PPIP5K2: variants seen among roughly 807,000 people sequenced by gnomAD.
The protein encoded by PPIP5K2 is diphosphoinositol pentakisphosphate kinase 2.
A neutral mutation model predicts 154.6 loss-of-function variants in PPIP5K2; 105 were observed. The observed-to-expected ratio is 0.68, with a 90% CI of 0.58 to 0.80. The LOEUF (loss-of-function observed/expected upper bound fraction) is 0.80, where lower values mean the gene tolerates loss of function less well. PPIP5K2 is among the 30% of genes least tolerant of loss of function. The probability of loss-of-function intolerance (pLI) is 0.00; values close to 1 mark genes in which losing one functional copy is unlikely to be tolerated. For synonymous variants in PPIP5K2, 480 were observed against 490.3 expected (o/e 0.98, Z 0.28); for missense variants, 992 against 1,504.6 (o/e 0.66, Z 5.64).
Position 103,152,640 on chromosome 5 carries a change from T to C in PPIP5K2, c.1029-8T>C, listed in dbSNP as rs781918373. On this transcript the variant is annotated splice_region_variant and splice_polypyrimidine_tract_variant and intron_variant, in intron 9 of 30. Transcript: ENST00000358359. ...CTAATTTTAAATCTTTTCTTTTTTG[T>C]CTTGAAGAAATATTGTAATGCGAGA... is the stretch of plus-strand genomic sequence containing the variant. The C allele has an allele frequency of 1.0e-5, 16 of 1,538,894 alleles. No homozygotes were observed. The highest frequency in any genetic ancestry group is 1.7e-5 in the Admixed American group (1 of 58,992).
chr5:103,153,917 G>A lies in PPIP5K2; in HGVS notation c.1200G>A (p.Met400Ile), dbSNP rs1554212174. 3 of 1,604,470 alleles carry A rather than the reference G, an allele frequency of 1.9e-6. No homozygotes were observed. Among genetic ancestry groups the A allele is most frequent in the Non-Finnish European group, 2.6e-6 (3 of 1,173,932 alleles). ...GDRTPKQKMK[M>I]EVRHQKFFDL... is the part of the protein sequence containing the mutation. ...GAACACCAAAACAAAAAATGAAAAT[G>A]GAAGTGAGACATCAGAAGTATGTTT... The change falls in exon 11 of 31, where the codon ATG becomes ATA. Residue 400 changes from methionine to isoleucine, a missense_variant. By Grantham distance (10) the Met-to-Ile change is conservative. This residue lies in a region of PPIP5K2 where 163 missense variants were observed against 285.2 expected (regional missense o/e 0.57). Transcript: ENST00000358359.
intron 8 of PPIP5K2, 112 bp downstream of exon 8, chr5:103,149,425 A>G: frequency 1.1e-6 from 1 of 919,864 alleles, no homozygotes; most frequent in Non-Finnish European, 1.6e-6. Context: ...GAAAGTAATT[A>G]ATACATCTGA....
In PPIP5K2 at chr5:103,211,377, A is replaced by G. The variant is rs896490060; in HGVS notation, c.*9743A>G. The G allele has an allele frequency of 6.6e-6, 1 of 152,108 alleles. No homozygotes were observed. Among genetic ancestry groups the G allele is most frequent in the African/African-American group, 2.4e-5 (1 of 41,446 alleles). The allele number at this position is 152,108 out of a possible 1,614,324, so 9.4% of individuals were successfully genotyped here. A position where few individuals can be genotyped will look rare whatever the true frequency, so the allele number is the denominator to read the frequency against. The stretch of plus-strand genomic sequence containing the variant: ...AGAGTGATCATAGGGATCAGATGAC[A>G]TGTTACTGGGTGAAGCCAGGAAGCT... On this transcript the variant is annotated 3_prime_UTR_variant, in exon 31 of 31. Transcript: ENST00000358359.
chr5:103,189,667 A>G (rs566584430), intron 28 of PPIP5K2, among the ~76,000 whole-genome samples: 1 of 152,222 alleles, frequency 6.6e-6, no homozygotes, highest in African/African-American at 2.4e-5. Flanking sequence ...CCTGAAAATC[A>G]GACATATCAC....
chr5:103,210,715 A>G lies in PPIP5K2; in HGVS notation c.*9081A>G, dbSNP rs1803760897. On this transcript the variant is annotated 3_prime_UTR_variant, in exon 31 of 31. Transcript: ENST00000358359. ...ATTATCATGCTCTGTTGTTCCCTGG[A>G]TGCTCTTTTGAGGAATTTACTTGGT... 1 of 152,098 alleles carries G rather than the reference A, an allele frequency of 6.6e-6. No individual in the cohort carries two copies. The highest frequency in any genetic ancestry group is 1.5e-5 in the Non-Finnish European group (1 of 67,970). The allele number at this position is 152,098 out of a possible 1,614,324, so 9.4% of individuals were successfully genotyped here. A position where few individuals can be genotyped will look rare whatever the true frequency, so the allele number is the denominator to read the frequency against.
chr5:103,186,374 C>T lies in PPIP5K2; in HGVS notation c.3224C>T (p.Ala1075Val). 2 of 1,613,942 alleles carry T rather than the reference C, an allele frequency of 1.2e-6. No homozygotes were observed. Among genetic ancestry groups the T allele is most frequent in the Non-Finnish European group, 1.7e-6 (2 of 1,179,904 alleles). Residue 1075 changes from alanine (A) to valine (V), a missense_variant, in exon 27 of 31, where the codon GCA (alanine) becomes GTA (valine). By Grantham distance (64) the Ala-to-Val change is moderately conservative. This residue lies in a region of PPIP5K2 where 204 missense variants were observed against 224.0 expected (regional missense o/e 0.91). Coordinates refer to ENST00000358359, the MANE Select transcript of PPIP5K2 (RefSeq NM_001276277.3). ...STSVLGGSSS[A>V]PNLQDYARTH... is the part of the protein sequence containing the mutation. ...TCGGTGCTCGGGGGTTCTTCAAGCG[C>T]ACCTAACCTACAGGATTATGCTCGT...
chr5:103,146,744 G>A (rs1793820854), intron 6 of PPIP5K2, 63 bp downstream of exon 6: 12 of 1,363,890 alleles, frequency 8.8e-6, no homozygotes, highest in Admixed American at 4.7e-5. Flanking sequence ...ATTATTAAAA[G>A]CAATCAAGCA....
rs997288942 is a variant in PPIP5K2, at chr5:103,205,467, C to G, written c.*3833C>G. The G allele has an allele frequency of 1.1e-4, 16 of 152,134 alleles. No homozygotes were observed. Among genetic ancestry groups the G allele is most frequent in the African/African-American group, 3.9e-4 (16 of 41,454 alleles). The allele number at this position is 152,134 out of a possible 1,614,324, so 9.4% of individuals were successfully genotyped here. On this transcript the variant is annotated 3_prime_UTR_variant, in exon 31 of 31. Transcript: ENST00000358359. ...TAATTTACACTCCCACCAAGTGTTC[C>G]TATTTCTCCACATCCTCTCCAGCAT... is the stretch of plus-strand genomic sequence containing the variant.
intron 14 of PPIP5K2, among the ~76,000 whole-genome samples, chr5:103,156,666 G>A (rs76293302): frequency 0.036 from 5,554 of 152,200 alleles, 337 homozygotes; most frequent in African/African-American, 0.13. Flanking sequence ...AGAATTCATT[G>A]AGACAGGATT....
intron 4 of PPIP5K2, 152 bp downstream of exon 4, chr5:103,136,974 A>C: frequency 1.6e-6 from 1 of 638,064 alleles, no homozygotes; most frequent in Non-Finnish European, 2.7e-6. Context: ...ACCTAATTTT[A>C]CAGATGAGGA....
Position 103,180,985 on chromosome 5 carries a change from T to A in PPIP5K2, c.2922+797T>A, listed in dbSNP as rs566523066. On this transcript the variant is annotated intron_variant, in intron 24 of 30. Transcript: ENST00000358359. ...AAGTCTATATAGGAATTTGAATGTTTGATAATATAATAAAAAATTTTACCT... is the reference window on the plus strand; with the variant it reads ...AAGTCTATATAGGAATTTGAATGTTAGATAATATAATAAAAAATTTTACCT... Among the ~76,000 whole-genome samples the A allele has an allele frequency of 2.6e-5, 4 of 152,220 alleles. No individual in the cohort carries two copies. In the East Asian group the frequency reaches 7.7e-4, roughly 29 times the overall value.
At position 103,183,348 on chromosome 5, in the gene PPIP5K2, TC is replaced by T. The variant is rs782158471; in HGVS notation, c.3041del (p.Pro1014LeufsTer28). 1.2e-6 allele frequency: 2 copies of T among 1,611,218 alleles called. No homozygotes were observed. The highest frequency in any genetic ancestry group is 1.1e-5 in the South Asian group (1 of 90,762). On this transcript the variant is annotated frameshift_variant, in exon 25 of 31. Transcript: ENST00000358359. LOFTEE classifies it high-confidence loss of function. ...RRRSGEQITS[S>X]PVSPKSLAFT... ...CAGATCAGGGGAACAAATCACTTCT[TC>T]CCCTGTCTCCCCCAAATCATTGGCT... is the stretch of plus-strand genomic sequence containing the variant.
chr5:103,169,185 C>T (rs1797575300), intron 19 of PPIP5K2, among the ~76,000 whole-genome samples: 1 of 151,532 alleles, frequency 6.6e-6, no homozygotes, highest in Non-Finnish European at 1.5e-5. Flanking sequence ...GGGTAAGTGG[C>T]AAAACATATT....
chr5:103,194,129 A>AT lies in PPIP5K2; in HGVS notation c.3494-762dup, dbSNP rs199720735. 1.0e-3 allele frequency among the ~76,000 whole-genome samples: 154 copies of AT among 151,306 alleles called. No homozygotes were observed. The East Asian group carries it at 0.02, about 20-fold the overall frequency. ...AAACATCCCTGAATCTGTAATTGTT[A>AT]TTTTTTTTTAAGACAAAAACAGTTT... On this transcript the variant is annotated intron_variant, in intron 29 of 30. Transcript: ENST00000358359.
rs1440997962 is a variant in PPIP5K2, at chr5:103,208,767, A to C, written c.*7133A>C. On this transcript the variant is annotated 3_prime_UTR_variant, in exon 31 of 31. Coordinates refer to ENST00000358359, the MANE Select transcript of PPIP5K2 (RefSeq NM_001276277.3). The stretch of plus-strand genomic sequence containing the variant: ...TATTTTGGAGTATTTTGGTCTAATG[A>C]CTTTGGCTGCGATATGGAGCTATCT... 6.6e-6 allele frequency: 1 copy of C among 151,868 alleles called. No homozygotes were observed. The allele number at this position is 151,868 out of a possible 1,614,324, so 9.4% of individuals were successfully genotyped here. A position where few individuals can be genotyped will look rare whatever the true frequency, so the allele number is the denominator to read the frequency against.
At chr5:103,189,261 G>C (rs1554226155) in intron 28 of PPIP5K2, 1 of 1,465,336 alleles carries the variant, frequency 6.8e-7, no homozygotes, top group Non-Finnish European at 9.2e-7. Context: ...TGTCAGCAGG[G>C]TGGCTTTTTA....
At position 103,206,509 on chromosome 5, in the gene PPIP5K2, G is replaced by A. The variant is rs1335752464; in HGVS notation, c.*4875G>A. 6.6e-6 allele frequency: 1 copy of A among 152,108 alleles called. No homozygotes were observed. The highest frequency in any genetic ancestry group is 1.9e-4 in the East Asian group (1 of 5,178). 9.4% of individuals were successfully genotyped at this position (152,108 alleles called of 1,614,324 possible). A position where few individuals can be genotyped will look rare whatever the true frequency, so the allele number is the denominator to read the frequency against. On this transcript the variant is annotated 3_prime_UTR_variant, in exon 31 of 31. Transcript: ENST00000358359. ...CCTTACTGACCCTAGAGCAGATGAT[G>A]GAGTCAGTTTTTCCGAAAAGCCTCA...
At chr5:103,171,296 TAAATTTG>T (rs1797941438) in intron 19 of PPIP5K2, among the ~76,000 whole-genome samples, 1 of 151,556 alleles carries the variant, frequency 6.6e-6, no homozygotes, top group Non-Finnish European at 1.5e-5. Context: ...ATTTAAAGAC[TAAATTTG>T]ATATTAAAAT....
At chr5:103,162,114 C>A (rs1796360903) in intron 17 of PPIP5K2, among the ~76,000 whole-genome samples, 1 of 152,160 alleles carries the variant, frequency 6.6e-6, no homozygotes, top group Non-Finnish European at 1.5e-5. Flanking sequence ...CCATTTTGGT[C>A]ATTCTGGTGG....
Sources: allele counts gnomAD v4.1 joint callset (sites outside exome capture counted in the v4.1 genomes callset), GRCh38; gene constraint gnomAD v4.1.1; regional missense constraint gnomAD v4.1.1; transcripts MANE v1.5; gene names NCBI Gene and HGNC (gene_info 2026-07-23, HGNC 2026-07-21).